The following SCN7A variants were observed in gnomAD, a reference collection of about 807,000 sequenced individuals.
SCN7A encodes the protein sodium voltage-gated channel alpha subunit 7.
A neutral mutation model predicts 155.2 loss-of-function variants in SCN7A; 138 were observed. That is an observed-to-expected ratio of 0.89 (90% CI 0.77 to 1.02). The LOEUF (loss-of-function observed/expected upper bound fraction) is 1.02, where lower values mean the gene tolerates loss of function less well. Ranked by LOEUF, SCN7A falls within the 50% of genes least tolerant of loss-of-function variation. SCN7A has a pLI of 0.00. For synonymous variants in SCN7A, 693 were observed against 649.0 expected (o/e 1.07, Z -1.03); for missense variants, 2,058 against 1,986.6 (o/e 1.04, Z -0.68).
At chr2:166,474,076 CACTT>C in intron 4 of SCN7A, 146 bp downstream of exon 4, 1 of 511,108 alleles carries the variant, frequency 2.0e-6, no homozygotes, top group African/African-American at 2.1e-5. Flanking sequence ...AAATGTGGAA[CACTT>C]AATGAAGTAT....
intron 18 of SCN7A, among the ~76,000 whole-genome samples, chr2:166,424,320 T>C (rs78358137): frequency 0.012 from 1,833 of 152,158 alleles, 45 homozygotes; most frequent in African/African-American, 0.038. Context: ...TTCAAAAGCC[T>C]CCACTTCAAT....
At chr2:166,452,310 T>C (rs370888445) in intron 11 of SCN7A, among the ~76,000 whole-genome samples, 3 of 152,084 alleles carry the variant, frequency 2.0e-5, no homozygotes, top group East Asian at 1.9e-4. Flanking sequence ...AAAAAGCAAT[T>C]GGATCAAGAT....
intron 2 of SCN7A, among the ~76,000 whole-genome samples, chr2:166,483,169 C>A (rs949040098): frequency 2.0e-5 from 3 of 151,736 alleles, no homozygotes; most frequent in Non-Finnish European, 4.4e-5. Context: ...GCAGGAGCAG[C>A]AGAAGTATAT....
intron 15 of SCN7A, among the ~76,000 whole-genome samples, chr2:166,440,341 CT>C (rs1318043260): frequency 6.6e-6 from 1 of 152,124 alleles, no homozygotes; most frequent in Non-Finnish European, 1.5e-5. Flanking sequence ...CATTTAAGTG[CT>C]TCTTAAAATT....
rs1330212683 is a variant in SCN7A at position 166,420,390 on chromosome 2, T to C, written c.3135+800A>G. Reference sequence around the variant, plus strand: ...CAGACTGATATGAAAAAAATCTATGTAAATAAAAATGCAAAAACACATAAA... The same window carrying C: ...CAGACTGATATGAAAAAAATCTATGCAAATAAAAATGCAAAAACACATAAA... On this transcript the variant is annotated intron_variant, in intron 20 of 25. Coordinates refer to ENST00000643258, the MANE Select transcript of SCN7A (RefSeq NM_002976.4). 5.9e-5 allele frequency among the ~76,000 whole-genome samples: 9 copies of C among 152,168 alleles called. No homozygotes were observed. The East Asian group carries it at 1.7e-3, about 29-fold the overall frequency.
intron 23 of SCN7A, 51 bp from the exon 24 acceptor site, chr2:166,410,375 C>T (rs1701175367): frequency 1.5e-6 from 2 of 1,313,838 alleles, no homozygotes; most frequent in South Asian, 2.8e-5. Flanking sequence ...TCCAAATTTT[C>T]CCTTATGTTA....
Position 166,404,228 on chromosome 2 carries a change from C to T in SCN7A, c.*1352G>A, listed in dbSNP as rs1165971108. ...ATCTTCATAAAGTTGGAATAACTCTCAGAATCTCAAACTACATAGAAGTAA... is the reference window on the plus strand; with the variant it reads ...ATCTTCATAAAGTTGGAATAACTCTTAGAATCTCAAACTACATAGAAGTAA... On this transcript the variant is annotated 3_prime_UTR_variant, in exon 26 of 26. Transcript: ENST00000643258. The T allele has an allele frequency of 6.6e-6, 1 of 151,894 alleles. No homozygotes were observed. The highest frequency in any genetic ancestry group is 1.5e-5 in the Non-Finnish European group (1 of 67,912). 9.4% of individuals were successfully genotyped at this position (151,894 alleles called of 1,614,324 possible).
intron 10 of SCN7A, among the ~76,000 whole-genome samples, chr2:166,457,605 G>A (rs1702314080): frequency 6.6e-6 from 1 of 152,152 alleles, no homozygotes; most frequent in Non-Finnish European, 1.5e-5. Context: ...ATCTGCTTTG[G>A]TGAAGAACCT....
At position 166,447,081 on chromosome 2, in the gene SCN7A, T is replaced by C. The variant is rs1030365141; in HGVS notation, c.1387+531A>G. ...TGTGAAAATAAAAAAGCTGAATGAATTGAATTTCCTCTATTGTGTTCATGC... is the reference window on the plus strand; with the variant it reads ...TGTGAAAATAAAAAAGCTGAATGAACTGAATTTCCTCTATTGTGTTCATGC... On this transcript the variant is annotated intron_variant, in intron 12 of 25. Coordinates refer to ENST00000643258, the MANE Select transcript of SCN7A (RefSeq NM_002976.4). Among the ~76,000 whole-genome samples, 5 of 152,162 alleles carry C rather than the reference T, an allele frequency of 3.3e-5. 1 individual carries two copies. Among genetic ancestry groups the C allele is most frequent in the Non-Finnish European group, 4.4e-5 (3 of 67,978 alleles).
At position 166,421,916 on chromosome 2, in the gene SCN7A, T is replaced by C. The variant is rs183573801; in HGVS notation, c.3028-619A>G. Among the ~76,000 whole-genome samples the C allele has an allele frequency of 4.9e-3, 745 of 152,234 alleles. 6 individuals carry two copies. Among genetic ancestry groups the C allele is most frequent in the South Asian group, 0.016 (78 of 4,830 alleles). ...AAAGCTAATATTAACTTTTATTATA[T>C]CCAGATTTTTCTACATTTTCAAATC... is the stretch of plus-strand genomic sequence containing the variant. On this transcript the variant is annotated intron_variant, in intron 19 of 25. Transcript: ENST00000643258.
intron 3 of SCN7A, among the ~76,000 whole-genome samples, chr2:166,475,112 A>ATG (rs1702761098): frequency 1.3e-4 from 16 of 122,554 alleles, no homozygotes; most frequent in African/African-American, 4.5e-4. Context: ...ATGTATATAT[A>ATG]TATATATACA....
intron 9 of SCN7A, among the ~76,000 whole-genome samples, chr2:166,464,046 A>C (rs1702470349): frequency 6.6e-6 from 1 of 151,846 alleles, no homozygotes; most frequent in Non-Finnish European, 1.5e-5. Context: ...ACAGAACAAG[A>C]CTCGGTCTCA....
chr2:166,472,262 A>G (rs1702676065), intron 6 of SCN7A, 55 bp downstream of exon 6: 11 of 1,501,876 alleles, frequency 7.3e-6, no homozygotes, highest in Non-Finnish European at 9.8e-6. Context: ...ATTTTTTATG[A>G]AAAACATTTT....
intron 6 of SCN7A, 66 bp downstream of exon 6, chr2:166,472,251 T>C (rs1702675753): frequency 2.0e-6 from 3 of 1,464,442 alleles, no homozygotes; most frequent in Non-Finnish European, 2.7e-6. Flanking sequence ...AGACGTCAAT[T>C]ATTTTTTATG....
At chr2:166,445,347 AAGGAAAGAAGGAAGGAAGGAAGGAAG>A (rs1702040521) in intron 12 of SCN7A, among the ~76,000 whole-genome samples, 8 of 143,266 alleles carry the variant, frequency 5.6e-5, no homozygotes, top group African/African-American at 2.0e-4. Flanking sequence ...GGAAGGAAGG[AAGGAAAGAAGGAAGGAAGGAAGGAAG>A]AGGGGAGGGA....
At chr2:166,475,121 C>CATATATACGTATATAT (rs1559125289) in intron 3 of SCN7A, among the ~76,000 whole-genome samples, 12 of 102,214 alleles carry the variant, frequency 1.2e-4, no homozygotes, top group East Asian at 2.6e-4. Context: ...TATATATATA[C>CATATATACGTATATAT]ATATATATAT....
At chr2:166,491,081 C>A (rs530202212) in intron 1 of SCN7A, among the ~76,000 whole-genome samples, 97 of 152,288 alleles carry the variant, frequency 6.4e-4, no homozygotes, top group Non-Finnish European at 1.2e-3. Flanking sequence ...AGCTGGTGGA[C>A]TGGAAGCCTC....
intron 10 of SCN7A, among the ~76,000 whole-genome samples, chr2:166,460,330 T>G (rs763076714): frequency 6.6e-6 from 1 of 152,194 alleles, no homozygotes; most frequent in Non-Finnish European, 1.5e-5. Flanking sequence ...TACAGTGATA[T>G]AGCCCATACA....
chr2:166,439,033 A>G (rs1253187861), intron 15 of SCN7A, among the ~76,000 whole-genome samples: 2 of 114,222 alleles, frequency 1.8e-5, no homozygotes, highest in East Asian at 4.9e-4. Context: ...ATACACACAC[A>G]TACATATATG....
Sources: allele counts gnomAD v4.1 joint callset (sites outside exome capture counted in the v4.1 genomes callset), GRCh38; gene constraint gnomAD v4.1.1; transcripts MANE v1.5; gene names NCBI Gene and HGNC (gene_info 2026-07-23, HGNC 2026-07-21).